Variants in RIT2 observed in about 807,000 individuals in gnomAD.
RIT2 encodes the protein GTP-binding protein Rit2.
In RIT2, 24 loss-of-function variants were observed where a neutral mutation model predicts 23.7. That is an observed-to-expected ratio of 1.01 (90% confidence interval 0.73 to 1.43). RIT2 has a LOEUF of 1.43. Ranked by LOEUF, RIT2 falls within the 40% of genes most tolerant of loss-of-function variation. RIT2 has a pLI of 0.00. For synonymous variants in RIT2, 107 were observed against 91.1 expected (o/e 1.17, Z -0.99); for missense variants, 236 against 266.9 (o/e 0.88, Z 0.81).
chr18:43,060,702 T>C (rs971697214), intron 1 of RIT2, among the ~76,000 whole-genome samples: 17 of 152,108 alleles, frequency 1.1e-4, no homozygotes, highest in Non-Finnish European at 1.8e-4. Flanking sequence ...CCAAAGATCA[T>C]TCAGAAAAAA....
At chr18:42,980,980 AT>A (rs1271935737) in intron 2 of RIT2, among the ~76,000 whole-genome samples, 1 of 152,140 alleles carries the variant, frequency 6.6e-6, no homozygotes, top group African/African-American at 2.4e-5. Flanking sequence ...TGTTAGAAAC[AT>A]TTAATCTTTT....
intron 3 of RIT2, among the ~76,000 whole-genome samples, chr18:42,944,524 C>T (rs1350833147): frequency 6.6e-6 from 1 of 151,970 alleles, no homozygotes; most frequent in African/African-American, 2.4e-5. Flanking sequence ...CCTGTGATTT[C>T]GAGAGAAAGT....
chr18:43,009,025 T>C (rs1911290724), intron 2 of RIT2, among the ~76,000 whole-genome samples: 1 of 151,656 alleles, frequency 6.6e-6, no homozygotes, highest in African/African-American at 2.4e-5. Flanking sequence ...ACTATATCCT[T>C]ATTTGGAAAT....
At position 42,800,655 on chromosome 18, in the gene RIT2, G is replaced by C. The variant is rs537933321; in HGVS notation, c.427-56935C>G. Among the ~76,000 whole-genome samples, 6 of 151,684 alleles carry C rather than the reference G, an allele frequency of 4.0e-5. No homozygotes were observed. The East Asian group carries it at 1.2e-3, about 30-fold the overall frequency. On this transcript the variant is annotated intron_variant, in intron 4 of 4. Coordinates refer to ENST00000326695, the MANE Select transcript of RIT2 (RefSeq NM_002930.4). ...CGCCATTCTCCTGCCTCAGCCTCCC[G>C]AGTAGCTGGGACTACAGGCACCCGC...
chr18:42,746,102 T>C lies in RIT2; in HGVS notation c.427-2382A>G, dbSNP rs745527129. 4.6e-5 allele frequency among the ~76,000 whole-genome samples: 7 copies of C among 152,206 alleles called. No individual in the cohort carries two copies. In the South Asian group the frequency reaches 1.0e-3, roughly 23 times the overall value. On this transcript the variant is annotated intron_variant, in intron 4 of 4. Transcript: ENST00000326695. ...TATCCTCTTATTTTGGGACTCAGGCTAAGAGAGCCCTTCTTATCTGGGAAA... is the reference window on the plus strand; with the variant it reads ...TATCCTCTTATTTTGGGACTCAGGCCAAGAGAGCCCTTCTTATCTGGGAAA...
intron 1 of RIT2, among the ~76,000 whole-genome samples, chr18:43,108,612 A>G (rs1420570295): frequency 6.6e-6 from 1 of 152,222 alleles, no homozygotes; most frequent in African/African-American, 2.4e-5. Flanking sequence ...GTAGAGCTGT[A>G]GAAACTCTCT....
At chr18:42,955,723 ACT>A (rs1434268959) in intron 3 of RIT2, among the ~76,000 whole-genome samples, 1 of 152,036 alleles carries the variant, frequency 6.6e-6, no homozygotes, top group Non-Finnish European at 1.5e-5. Context: ...TTCATATAAA[ACT>A]CACAATTTGA....
At chr18:42,745,115 A>G (rs1912887683) in intron 4 of RIT2, among the ~76,000 whole-genome samples, 1 of 152,196 alleles carries the variant, frequency 6.6e-6, no homozygotes, top group African/African-American at 2.4e-5. Flanking sequence ...TACATAAATT[A>G]GCACAGTGGA....
intron 2 of RIT2, among the ~76,000 whole-genome samples, chr18:42,995,828 C>A (rs965214781): frequency 6.6e-6 from 1 of 152,128 alleles, no homozygotes; most frequent in Non-Finnish European, 1.5e-5. Flanking sequence ...TCCCAAAAAA[C>A]TTGTCATCTC....
intron 4 of RIT2, among the ~76,000 whole-genome samples, chr18:42,854,204 A>T (rs1390836754): frequency 6.6e-6 from 1 of 152,204 alleles, no homozygotes; most frequent in Non-Finnish European, 1.5e-5. Flanking sequence ...GGTGTAGTAC[A>T]TGTACCTTTA....
At chr18:42,994,549 G>A (rs552361789) in intron 2 of RIT2, among the ~76,000 whole-genome samples, 10 of 152,040 alleles carry the variant, frequency 6.6e-5, no homozygotes, top group African/African-American at 2.2e-4. Context: ...TCCATTCCTC[G>A]AAGACAGCTT....
At chr18:42,756,255 T>A (rs1279621292) in intron 4 of RIT2, among the ~76,000 whole-genome samples, 1 of 152,202 alleles carries the variant, frequency 6.6e-6, no homozygotes, top group Non-Finnish European at 1.5e-5. Context: ...ATAGGATTTC[T>A]CTCTCTTGCT....
At chr18:42,950,181 A>G (rs2144171226) in intron 3 of RIT2, among the ~76,000 whole-genome samples, 1 of 152,246 alleles carries the variant, frequency 6.6e-6, no homozygotes, top group South Asian at 2.1e-4. Flanking sequence ...TAGCCAAAAT[A>G]TCATGGTACT....
chr18:43,112,711 C>T (rs1913982772), intron 1 of RIT2, among the ~76,000 whole-genome samples: 1 of 151,968 alleles, frequency 6.6e-6, no homozygotes, highest in Admixed American at 6.6e-5. Flanking sequence ...TGAGACCAAC[C>T]TGGGCAACAT....
intron 4 of RIT2, among the ~76,000 whole-genome samples, chr18:42,774,231 G>A (rs940601570): frequency 3.9e-5 from 6 of 152,054 alleles, no homozygotes; most frequent in South Asian, 4.2e-4. Context: ...ATATTTAAAC[G>A]GTAGACTCAA....
intron 2 of RIT2, among the ~76,000 whole-genome samples, chr18:43,005,528 A>C (rs766397952): frequency 1.3e-5 from 2 of 151,804 alleles, no homozygotes; most frequent in Non-Finnish European, 2.9e-5. Context: ...ACTCTAAAGT[A>C]AGTCTCCTGC....
chr18:43,060,844 G>A (rs11664771), intron 1 of RIT2, among the ~76,000 whole-genome samples: 1 of 151,950 alleles, frequency 6.6e-6, no homozygotes, highest in Non-Finnish European at 1.5e-5. Flanking sequence ...TGTAAAATCA[G>A]GTATTTTAGA....
chr18:43,102,811 A>C (rs1211774224), intron 1 of RIT2, among the ~76,000 whole-genome samples: 2 of 151,578 alleles, frequency 1.3e-5, no homozygotes, highest in African/African-American at 4.9e-5. Flanking sequence ...GCACCACCAG[A>C]GCCGGATAAT....
At chr18:43,030,647 G>T (rs549548984) in intron 2 of RIT2, among the ~76,000 whole-genome samples, 14 of 152,158 alleles carry the variant, frequency 9.2e-5, no homozygotes, top group Non-Finnish European at 1.6e-4. Context: ...GATGGGTGTG[G>T]CTTAGAAAAA....
Sources: gnomAD v4.1 joint callset for allele counts (sites outside exome capture counted in the v4.1 genomes callset) on GRCh38, gnomAD v4.1.1 for gene constraint, MANE v1.5 for transcripts, NCBI Gene and HGNC (gene_info 2026-07-23, HGNC 2026-07-21) for gene names.